The following NUP98 variants were observed in gnomAD, a reference collection of about 807,000 sequenced individuals.
The protein encoded by NUP98 is nuclear pore complex protein Nup98-Nup96.
In NUP98, 26 loss-of-function variants were observed where a neutral mutation model predicts 191.9. The ratio of observed to expected loss-of-function variants is 0.14; its 90% confidence interval spans 0.10 to 0.19. The LOEUF is 0.19. Among genes scored for constraint, NUP98 ranks in the 10% least tolerant of loss-of-function variants. NUP98 has a pLI of 1.00. For synonymous variants in NUP98, 808 were observed against 778.4 expected, an observed-to-expected ratio of 1.04 and a Z score of -0.63; for missense variants, 1,941 against 2,178.8, an observed-to-expected ratio of 0.89 and a Z score of 2.17.
chr11:3,746,225 C>T (rs189686000), intron 11 of NUP98, among the ~76,000 whole-genome samples: 245 of 127,466 alleles, frequency 1.9e-3, no homozygotes, highest in African/African-American at 7.0e-3. Context: ...GCCAAGATCA[C>T]GCCATTGCAC....
At chr11:3,695,378 G>T in intron 26 of NUP98, 71 bp downstream of exon 26, 3 of 1,345,660 alleles carry the variant, frequency 2.2e-6, no homozygotes, top group Non-Finnish European at 9.9e-7. Context: ...ATCACTCCTT[G>T]CCTCAACCTC....
intron 10 of NUP98, among the ~76,000 whole-genome samples, chr11:3,759,594 A>C (rs1589899295): frequency 6.6e-6 from 1 of 152,164 alleles, no homozygotes; most frequent in Middle Eastern, 3.4e-3. Flanking sequence ...CAGAGACTAC[A>C]CCTCAAAAAT....
At chr11:3,751,433 C>T (rs1354597537) in intron 11 of NUP98, among the ~76,000 whole-genome samples, 1 of 152,126 alleles carries the variant, frequency 6.6e-6, no homozygotes, top group African/African-American at 2.4e-5. Context: ...TGTGTGTAAA[C>T]ATGTCCGAAA....
chr11:3,782,650 T>G (rs191136186), intron 1 of NUP98, among the ~76,000 whole-genome samples: 1 of 150,994 alleles, frequency 6.6e-6, no homozygotes, highest in Non-Finnish European at 1.5e-5. Context: ...TTCAAGTTAT[T>G]CTCCTGCCTC....
chr11:3,733,055 A>G (rs1252909955), intron 13 of NUP98, among the ~76,000 whole-genome samples: 2 of 152,240 alleles, frequency 1.3e-5, no homozygotes, highest in African/African-American at 4.8e-5. Flanking sequence ...GATAAACCTC[A>G]TGTGACATAG....
chr11:3,758,781 GAGAGAGAC>G (rs201506597), intron 10 of NUP98, among the ~76,000 whole-genome samples: 1,930 of 152,032 alleles, frequency 0.013, 19 homozygotes, highest in Non-Finnish European at 0.02. Flanking sequence ...GAGAGAGACA[GAGAGAGAC>G]AGAGAGACAG....
At chr11:3,710,308 A>G (rs1179486489) in intron 20 of NUP98, among the ~76,000 whole-genome samples, 1 of 152,352 alleles carries the variant, frequency 6.6e-6, no homozygotes, top group Non-Finnish European at 1.5e-5. Context: ...TTATCTGCCA[A>G]CCAACATTTT....
intron 1 of NUP98, among the ~76,000 whole-genome samples, chr11:3,783,189 C>T (rs994627238): frequency 4.6e-5 from 7 of 151,998 alleles, no homozygotes; most frequent in South Asian, 2.1e-4. Context: ...CCCAGGAGTT[C>T]GAGACCAGCC....
intron 14 of NUP98, 27 bp from the exon 15 acceptor site, chr11:3,725,246 G>T: frequency 9.0e-7 from 1 of 1,111,984 alleles, no homozygotes. Flanking sequence ...AAAAGAAGAA[G>T]AAAAAAATTA....
chr11:3,769,903 G>T (rs138155120), intron 7 of NUP98, among the ~76,000 whole-genome samples: 534 of 152,066 alleles, frequency 3.5e-3, no homozygotes, highest in African/African-American at 0.013. Context: ...AATCAGCCAG[G>T]CATGGTGGTG....
chr11:3,700,949 C>T, intron 23 of NUP98, 110 bp from the exon 24 acceptor site: 1 of 737,718 alleles, frequency 1.4e-6, no homozygotes, highest in Non-Finnish European at 2.2e-6. Context: ...GGAATGCAAA[C>T]ATTTCACTGT....
At chr11:3,686,616 G>C (rs764274338) in intron 28 of NUP98, among the ~76,000 whole-genome samples, 1 of 151,920 alleles carries the variant, frequency 6.6e-6, no homozygotes, top group Non-Finnish European at 1.5e-5. Context: ...ATTTAAAACT[G>C]CACGTATCTA....
intron 15 of NUP98, among the ~76,000 whole-genome samples, chr11:3,723,798 A>C (rs1235026219): frequency 6.6e-6 from 1 of 150,770 alleles, no homozygotes; most frequent in Non-Finnish European, 1.5e-5. Flanking sequence ...AAAAAAAAAC[A>C]GGAGTACAAA....
chr11:3,752,841 C>G (rs1422641123), intron 11 of NUP98, among the ~76,000 whole-genome samples: 4 of 152,254 alleles, frequency 2.6e-5, no homozygotes, highest in Non-Finnish European at 5.9e-5. Flanking sequence ...TAGTTGTTAA[C>G]AGTAGGAATC....
chr11:3,760,820 G>C (rs1362366016), intron 9 of NUP98, among the ~76,000 whole-genome samples, 194 bp from the exon 10 acceptor site: 1 of 151,998 alleles, frequency 6.6e-6, no homozygotes, highest in African/African-American at 2.4e-5. Flanking sequence ...TATAAACACG[G>C]AATGCTTCTG....
chr11:3,712,368 C>T (rs901038982), intron 20 of NUP98, 196 bp downstream of exon 20: 10 of 1,387,690 alleles, frequency 7.2e-6, no homozygotes, highest in Non-Finnish European at 8.4e-6. Context: ...CAAGAGAATT[C>T]TTTAAATCTC....
chr11:3,762,839 A>C, intron 9 of NUP98, 63 bp downstream of exon 9: 1 of 1,573,202 alleles, frequency 6.4e-7, no homozygotes, highest in Non-Finnish European at 8.7e-7. Flanking sequence ...AAATCCTTAG[A>C]AGAAAATTCC....
At chr11:3,686,979 A>AAAT (rs34589257) in intron 28 of NUP98, among the ~76,000 whole-genome samples, 13,666 of 152,024 alleles carry the variant, frequency 0.09, 675 homozygotes, top group South Asian at 0.16. Flanking sequence ...CTCCAACTCA[A>AAAT]AATAATAATA....
At chr11:3,770,114 G>C (rs1235729646) in intron 7 of NUP98, among the ~76,000 whole-genome samples, 1 of 151,826 alleles carries the variant, frequency 6.6e-6, no homozygotes, top group Non-Finnish European at 1.5e-5. Flanking sequence ...GGAGGCCGAG[G>C]CTGGTTAATC....
Sources: gnomAD v4.1 joint callset for allele counts (sites outside exome capture counted in the v4.1 genomes callset) on GRCh38, gnomAD v4.1.1 for gene constraint, MANE v1.5 for transcripts, NCBI Gene and HGNC (gene_info 2026-07-23, HGNC 2026-07-21) for gene names.